The following EXOC6 variants were observed in gnomAD, a reference collection of about 807,000 sequenced individuals.
EXOC6 encodes exocyst complex component 6, also known as SEC15-like 1.
A neutral mutation model predicts 112.5 loss-of-function variants in EXOC6; 60 were observed. That is an observed-to-expected ratio of 0.53 (90% CI 0.43 to 0.66). EXOC6 has a LOEUF of 0.66. Ranked by LOEUF, EXOC6 falls within the 30% of genes least tolerant of loss-of-function variation. EXOC6 has a pLI of 0.00. For synonymous variants in EXOC6, 295 were observed against 308.0 expected (o/e 0.96, Z 0.44); for missense variants, 855 against 957.1 (o/e 0.89, Z 1.41).
intron 1 of EXOC6, among the ~76,000 whole-genome samples, chr10:92,877,461 T>C (rs1359889028): frequency 6.6e-6 from 1 of 152,216 alleles, no homozygotes; most frequent in Non-Finnish European, 1.5e-5. Flanking sequence ...TTGTCCTTTA[T>C]ACTTCTCCAG....
chr10:92,968,182 CTT>C (rs10593908), intron 17 of EXOC6, among the ~76,000 whole-genome samples: 59,634 of 135,454 alleles, frequency 0.44, 13,383 homozygotes, highest in African/African-American at 0.56. Context: ...AGTGTTTCAC[CTT>C]TTTTTTTTTT....
intron 20 of EXOC6, among the ~76,000 whole-genome samples, chr10:93,026,441 G>A (rs940196954): frequency 6.6e-6 from 1 of 152,172 alleles, no homozygotes; most frequent in Admixed American, 6.5e-5. Flanking sequence ...CTGTGTGGTA[G>A]TTTTACACTG....
chr10:92,953,306 T>C (rs1853523274), intron 15 of EXOC6, among the ~76,000 whole-genome samples: 1 of 152,136 alleles, frequency 6.6e-6, no homozygotes, highest in African/African-American at 2.4e-5. Flanking sequence ...TTTGAACTCT[T>C]GGCCTCAAGC....
chr10:92,843,238 C>A (rs994883671), intron 1 of EXOC6, among the ~76,000 whole-genome samples: 2 of 152,164 alleles, frequency 1.3e-5, no homozygotes, highest in Non-Finnish European at 2.9e-5. Context: ...ACCAGCTGGG[C>A]TTTGTTTATT....
intron 19 of EXOC6, among the ~76,000 whole-genome samples, chr10:93,003,386 G>A (rs569327489): frequency 1.3e-3 from 192 of 152,224 alleles, no homozygotes; most frequent in African/African-American, 4.2e-3. Context: ...TTATTTTTCT[G>A]ATGATGAAGA....
At chr10:93,033,556 C>T (rs565950124) in intron 20 of EXOC6, among the ~76,000 whole-genome samples, 15 of 152,202 alleles carry the variant, frequency 9.9e-5, no homozygotes, top group African/African-American at 3.4e-4. Flanking sequence ...TTCTCGTGGC[C>T]CTGGCTTTTC....
intron 18 of EXOC6, among the ~76,000 whole-genome samples, chr10:92,982,042 G>A (rs1024251510): frequency 6.6e-6 from 1 of 152,116 alleles, no homozygotes; most frequent in Non-Finnish European, 1.5e-5. Context: ...CTTGAACCCG[G>A]GAGGCAGAGG....
intron 14 of EXOC6, 97 bp downstream of exon 14, chr10:92,948,476 CAG>C: frequency 1.1e-5 from 8 of 743,194 alleles, no homozygotes; most frequent in South Asian, 4.8e-5. Flanking sequence ...CTGTAAATAA[CAG>C]TGGTTTCTTG....
chr10:92,975,448 G>A (rs576158233), intron 18 of EXOC6, among the ~76,000 whole-genome samples: 4 of 150,610 alleles, frequency 2.7e-5, no homozygotes, highest in South Asian at 2.1e-4. Context: ...GTCTCCGCCC[G>A]GCAGCCGCCC....
At chr10:92,874,063 A>T (rs1383789333) in intron 1 of EXOC6, among the ~76,000 whole-genome samples, 1 of 151,924 alleles carries the variant, frequency 6.6e-6, no homozygotes, top group Middle Eastern at 3.2e-3. Flanking sequence ...AGAAAAAAAA[A>T]AAAAGAAAGA....
chr10:92,874,556 ATGTG>A (rs139632796), intron 1 of EXOC6, among the ~76,000 whole-genome samples: 2 of 151,306 alleles, frequency 1.3e-5, no homozygotes, highest in Non-Finnish European at 3.0e-5. Context: ...ATTGTAAGAA[ATGTG>A]TGTGTGTGTG....
At chr10:92,999,677 AT>A (rs1179011168) in intron 19 of EXOC6, among the ~76,000 whole-genome samples, 2 of 149,070 alleles carry the variant, frequency 1.3e-5, no homozygotes, top group Non-Finnish European at 3.0e-5. Flanking sequence ...CTATTTTATT[AT>A]TTTTGTTGTT....
At chr10:92,924,186 G>A (rs1397355259) in intron 8 of EXOC6, among the ~76,000 whole-genome samples, 1 of 152,140 alleles carries the variant, frequency 6.6e-6, no homozygotes, top group East Asian at 1.9e-4. Flanking sequence ...GAGTCCCTGT[G>A]AGAGTAGAGC....
chr10:92,935,313 A>T (rs1346729093), intron 11 of EXOC6, among the ~76,000 whole-genome samples: 6 of 152,126 alleles, frequency 3.9e-5, no homozygotes, highest in Non-Finnish European at 7.4e-5. Flanking sequence ...CATGATACCA[A>T]ATATGAAGTC....
intron 1 of EXOC6, among the ~76,000 whole-genome samples, chr10:92,876,799 A>G (rs954416001): frequency 9.2e-5 from 14 of 152,192 alleles, no homozygotes; most frequent in African/African-American, 3.4e-4. Flanking sequence ...AGGGGCTGTA[A>G]GAAAAATCAC....
At chr10:92,851,682 A>C (rs1474567078) in intron 1 of EXOC6, among the ~76,000 whole-genome samples, 1 of 151,930 alleles carries the variant, frequency 6.6e-6, no homozygotes, top group African/African-American at 2.4e-5. Context: ...ACAAAAAAAA[A>C]ACAAAACCAA....
intron 1 of EXOC6, among the ~76,000 whole-genome samples, chr10:92,879,345 T>C (rs1848835450): frequency 6.6e-6 from 1 of 152,122 alleles, no homozygotes; most frequent in Admixed American, 6.5e-5. Flanking sequence ...GGTGCACGCC[T>C]GTGGTCATAG....
intron 17 of EXOC6, among the ~76,000 whole-genome samples, chr10:92,965,319 T>G (rs1842000871): frequency 6.6e-6 from 1 of 152,190 alleles, no homozygotes; most frequent in Non-Finnish European, 1.5e-5. Context: ...ACACCTATGG[T>G]TGGGAACCAC....
At chr10:92,865,627 A>G (rs1848137429) in intron 1 of EXOC6, among the ~76,000 whole-genome samples, 1 of 151,388 alleles carries the variant, frequency 6.6e-6, no homozygotes, top group African/African-American at 2.4e-5. Flanking sequence ...TTTTTTTTTT[A>G]GTAGAGACAG....
Sources: gnomAD v4.1 joint callset for allele counts (sites outside exome capture counted in the v4.1 genomes callset) on GRCh38, gnomAD v4.1.1 for gene constraint, MANE v1.5 for transcripts, NCBI Gene and HGNC (gene_info 2026-07-23, HGNC 2026-07-21) for gene names.